IQANK1: variants seen among roughly 807,000 people sequenced by gnomAD.
IQANK1 encodes IQ motif and ankyrin repeat domain-containing protein 1.
In IQANK1, 30 loss-of-function variants were observed where a neutral mutation model predicts 22.6. The ratio of observed to expected loss-of-function variants is 1.33; its 90% CI spans 0.99 to 1.80. The LOEUF is 1.80. Ranked by LOEUF, IQANK1 falls within the 40% of genes most tolerant of loss-of-function variation. The pLI is 0.00. For synonymous variants in IQANK1, 122 were observed against 99.6 expected, an observed-to-expected ratio of 1.23 and a Z score of -1.34; for missense variants, 275 against 235.2, an observed-to-expected ratio of 1.17 and a Z score of -1.11.
At chr8:143,763,938 T>A (rs1819440651) in intron 3 of IQANK1, among the ~76,000 whole-genome samples, 1 of 152,212 alleles carries the variant, frequency 6.6e-6, no homozygotes, top group Admixed American at 6.5e-5. Flanking sequence ...GGTAATTTTT[T>A]GTTATACGAG....
intron 3 of IQANK1, among the ~76,000 whole-genome samples, chr8:143,743,330 T>A (rs1157535319): frequency 6.6e-6 from 1 of 152,206 alleles, no homozygotes; most frequent in Admixed American, 6.5e-5. Context: ...CTCCAACTGC[T>A]GGGCTTAAGT....
intron 3 of IQANK1, among the ~76,000 whole-genome samples, chr8:143,766,224 G>C (rs979836745): frequency 3.4e-4 from 52 of 152,170 alleles, no homozygotes; most frequent in African/African-American, 1.2e-3. Context: ...TATGTTACTA[G>C]TTCTCTATTG....
At chr8:143,753,007 T>TG (rs1819223836) in intron 3 of IQANK1, among the ~76,000 whole-genome samples, 2 of 137,724 alleles carry the variant, frequency 1.5e-5, no homozygotes, top group South Asian at 2.5e-4. Context: ...TTTTTTTTTT[T>TG]TTTTTTTTTT....
Position 143,790,330 on chromosome 8 carries a change from T to C in IQANK1, c.1425-20T>C. On this transcript the variant is annotated intron_variant, in intron 13 of 13. Transcript: ENST00000527139. ...CCACCTCCCTAGCCCCACCCTGGCC[T>C]CACCAGCCTCATGGGGCAGGTATGG... The C allele has an allele frequency of 8.2e-7, 1 of 1,219,450 alleles. No homozygotes were observed. The highest frequency in any genetic ancestry group is 4.2e-5 in the South Asian group (1 of 24,034). The allele number at this position is 1,219,450 out of a possible 1,614,324, so 75.5% of individuals were successfully genotyped here. A position where few individuals can be genotyped will look rare whatever the true frequency, so the allele number is the denominator to read the frequency against.
chr8:143,786,393 C>T (rs1819890275), intron 7 of IQANK1, among the ~76,000 whole-genome samples: 1 of 152,164 alleles, frequency 6.6e-6, no homozygotes, highest in Non-Finnish European at 1.5e-5. Flanking sequence ...TTCATAAATT[C>T]CTTCACTCAC....
chr8:143,737,106 G>A (rs1035830169), intron 2 of IQANK1, among the ~76,000 whole-genome samples: 23 of 152,210 alleles, frequency 1.5e-4, no homozygotes, highest in African/African-American at 4.6e-4. Context: ...CCCCAGCTGC[G>A]TCTGAGGCCA....
chr8:143,773,927 TG>T (rs1311239835), intron 7 of IQANK1, among the ~76,000 whole-genome samples: 2 of 151,984 alleles, frequency 1.3e-5, no homozygotes, highest in Non-Finnish European at 2.9e-5. Flanking sequence ...GGGCAGCAGC[TG>T]GGGGTGCTGG....
At position 143,771,763 on chromosome 8, in the gene IQANK1, G is replaced by A; in HGVS notation, c.307-38G>A. 2.5e-6 allele frequency: 1 copy of A among 397,602 alleles called. No individual in the cohort carries two copies. The highest frequency in any genetic ancestry group is 4.4e-6 in the Non-Finnish European group (1 of 225,522). The allele number at this position is 397,602 out of a possible 1,614,324, so 24.6% of individuals were successfully genotyped here. ...CGTGGCCTCGGGGCTCGGGGCGGTG[G>A]CGCGGAGTGGGCGGTGACTTCGGCG... On this transcript the variant is annotated intron_variant, in intron 4 of 13. Transcript: ENST00000527139. The surrounding 1 kb of genome is among the most constrained non-coding windows in gnomAD (Gnocchi z 6.0).
At chr8:143,738,657 G>A (rs571741833) in intron 2 of IQANK1, among the ~76,000 whole-genome samples, 34 of 152,342 alleles carry the variant, frequency 2.2e-4, no homozygotes, top group Admixed American at 3.9e-4. Flanking sequence ...GCGCAGCAAC[G>A]GGCGTGCCTG....
chr8:143,771,507 G>T lies in IQANK1; in HGVS notation c.195G>T (p.Ala65=), dbSNP rs1446222493. The T allele has an allele frequency of 1.3e-5, 5 of 397,952 alleles. No homozygotes were observed. The highest frequency in any genetic ancestry group is 8.8e-5 in the Admixed American group (2 of 22,674). 24.7% of individuals were successfully genotyped at this position (397,952 alleles called of 1,614,324 possible). A position where few individuals can be genotyped will look rare whatever the true frequency, so the allele number is the denominator to read the frequency against. ...QAPTGPAEDR[A]ARAIQGAFRQ... is the part of the protein sequence containing the mutation. The stretch of plus-strand genomic sequence containing the variant: ...CCCCAGGGCCGGCCGAGGACCGAGC[G>T]GCCAGAGCGATCCAGGGCGCCTTCC... The change falls in exon 4 of 14, where the codon GCG becomes GCT. Residue 65 remains alanine, a synonymous_variant. Coordinates refer to ENST00000527139, the MANE Select transcript of IQANK1 (RefSeq NM_001381874.1). This position sits in a 1 kb window ranked among gnomAD's most constrained non-coding sequence, Gnocchi z 6.0.
At chr8:143,783,674 C>G (rs1819836796) in intron 7 of IQANK1, among the ~76,000 whole-genome samples, 1 of 152,194 alleles carries the variant, frequency 6.6e-6, no homozygotes, top group Admixed American at 6.5e-5. Flanking sequence ...AAGATATTTT[C>G]TGGTGCAGTC....
chr8:143,790,253 C>T lies in IQANK1; in HGVS notation c.1406C>T (p.Ala469Val), dbSNP rs114001075. Residue 469 changes from alanine to valine, a missense_variant, in exon 13 of 14, where the codon GCT (alanine) becomes GTT (valine). Transcript: ENST00000527139. ...CTGAGGCCGGAGACGATGTGGCTGGCTCTGCTGGGGGCTCTGCGGTGAGGC... is the reference window on the plus strand; with the variant it reads ...CTGAGGCCGGAGACGATGTGGCTGGTTCTGCTGGGGGCTCTGCGGTGAGGC... ...EPLRPETMWLALLGALRYGKP... is the reference protein window; with the variant it reads ...EPLRPETMWLVLLGALRYGKP... 6,263 of 1,232,122 alleles carry T rather than the reference C, an allele frequency of 5.1e-3. 264 individuals carry two copies. The African/African-American group carries it at 0.088, about 17-fold the overall frequency. The allele number at this position is 1,232,122 out of a possible 1,614,324, so 76.3% of individuals were successfully genotyped here. A position where few individuals can be genotyped will look rare whatever the true frequency, so the allele number is the denominator to read the frequency against.
At chr8:143,739,322 G>C (rs1340666492) in intron 2 of IQANK1, 3 of 152,468 alleles carry the variant, frequency 2.0e-5, no homozygotes, top group African/African-American at 7.2e-5. Flanking sequence ...CCCCATCCCA[G>C]CCGGCTCAGC....
At chr8:143,775,339 CACACACACACACACAG>C (rs1415373667) in intron 7 of IQANK1, among the ~76,000 whole-genome samples, 6 of 150,086 alleles carry the variant, frequency 4.0e-5, no homozygotes, top group South Asian at 4.2e-4. Context: ...GCATGCTACA[CACACACACACACACAG>C]ACACACACAC....
chr8:143,789,233 G>A lies in IQANK1; in HGVS notation c.983G>A (p.Cys328Tyr). 2.5e-6 allele frequency: 1 copy of A among 399,776 alleles called. No individual in the cohort carries two copies. Among genetic ancestry groups the A allele is most frequent in the East Asian group, 3.6e-5 (1 of 28,074 alleles). The allele number at this position is 399,776 out of a possible 1,614,324, so 24.8% of individuals were successfully genotyped here. The change falls in exon 9 of 14, where the codon TGT becomes TAT. Residue 328 changes from cysteine to tyrosine, a missense_variant. Coordinates refer to ENST00000527139, the MANE Select transcript of IQANK1 (RefSeq NM_001381874.1). ...CAGCTGACCAGGGAGCAGCAGCAGT[G>A]TCACAAGGAGGTGAGTGTGACCTCA... ...VQQLTREQQQ[C>Y]HKELQQAYCE...
intron 3 of IQANK1, among the ~76,000 whole-genome samples, chr8:143,768,046 C>A (rs1819509569): frequency 6.6e-6 from 1 of 151,072 alleles, no homozygotes; most frequent in Non-Finnish European, 1.5e-5. Context: ...CCACACCCAG[C>A]TAATTTTTGT....
In IQANK1 at chr8:143,786,879, CAAGG is replaced by C. The variant is rs372077684; in HGVS notation, c.790-2030_790-2027del. The stretch of plus-strand genomic sequence containing the variant: ...GGCCAGTGTAAGATCCTGAGGGGGA[CAAGG>C]AAGGAGCCCCTGTGGCTGCCAGGGA... On this transcript the variant is annotated intron_variant, in intron 7 of 13. Transcript: ENST00000527139. Among the ~76,000 whole-genome samples, 739 of 152,206 alleles carry C rather than the reference CAAGG, an allele frequency of 4.9e-3. 4 individuals are homozygous for C. The highest frequency in any genetic ancestry group is 9.7e-3 in the African/African-American group (402 of 41,510).
intron 7 of IQANK1, 132 bp from the exon 8 acceptor site, chr8:143,788,782 AC>A: frequency 2.5e-6 from 1 of 397,486 alleles, no homozygotes; most frequent in Non-Finnish European, 4.4e-6. Flanking sequence ...CCCACCACGC[AC>A]CAGCTGTGAG....
rs187896810 is a variant in IQANK1 at position 143,750,610 on chromosome 8, A to G, written c.175+10662A>G. On this transcript the variant is annotated intron_variant, in intron 3 of 13. Coordinates refer to ENST00000527139, the MANE Select transcript of IQANK1 (RefSeq NM_001381874.1). The stretch of plus-strand genomic sequence containing the variant: ...CAGTGCTTTGGGAGGCTGAGATGAG[A>G]GGGTTGCTTGAGGCCTGGAGTTGGA... Among the ~76,000 whole-genome samples the G allele has an allele frequency of 5.9e-5, 9 of 152,110 alleles. No homozygotes were observed. The East Asian group carries it at 1.5e-3, about 26-fold the overall frequency.
Sources: gnomAD v4.1 joint callset for allele counts (sites outside exome capture counted in the v4.1 genomes callset) on GRCh38, gnomAD v4.1.1 for gene constraint, Gnocchi (gnomAD v3.1) non-coding constraint, MANE v1.5 for transcripts, NCBI Gene and HGNC (gene_info 2026-07-23, HGNC 2026-07-21) for gene names.